The following MASP1 variants were observed in gnomAD, a reference collection of about 807,000 sequenced individuals.
The protein encoded by MASP1 is mannan-binding lectin serine protease 1.
Under a neutral mutation model 77.1 loss-of-function variants are expected in MASP1, and 59 were observed. The observed-to-expected ratio is 0.77, with a 90% CI of 0.62 to 0.95. The LOEUF is 0.95. MASP1 is among the 40% of genes least tolerant of loss of function. MASP1 has a pLI of 0.00. For missense variants in MASP1, 885 were observed against 912.9 expected (o/e 0.97, Z 0.39); for synonymous variants, 362 against 354.5 (o/e 1.02, Z -0.24).
At chr3:187,263,815 T>C (rs985599861) in intron 2 of MASP1, among the ~76,000 whole-genome samples, 2 of 152,180 alleles carry the variant, frequency 1.3e-5, no homozygotes, top group African/African-American at 2.4e-5. Context: ...GGCTTAAAGC[T>C]GATTTTATGT....
chr3:187,244,586 C>T (rs923029526), intron 8 of MASP1: 2 of 152,196 alleles, frequency 1.3e-5, no homozygotes, highest in Non-Finnish European at 2.9e-5. Flanking sequence ...TCTAGAATGT[C>T]CTCTTTATTT....
intron 2 of MASP1, among the ~76,000 whole-genome samples, chr3:187,268,050 A>T (rs559471079): frequency 6.6e-6 from 1 of 152,362 alleles, no homozygotes; most frequent in South Asian, 2.1e-4. Flanking sequence ...ATGTGGCTTC[A>T]GTTTTAGGAT....
intron 1 of MASP1, among the ~76,000 whole-genome samples, chr3:187,286,541 AT>A (rs887526160): frequency 9.2e-5 from 14 of 152,218 alleles, no homozygotes; most frequent in African/African-American, 2.9e-4. Context: ...AGTATGCAAA[AT>A]CTTTAATAAA....
At chr3:187,233,682 G>A (rs1038638929), downstream of MASP1, among the ~76,000 whole-genome samples, 1 of 152,214 alleles carries the variant, frequency 6.6e-6, no homozygotes, top group Admixed American at 6.5e-5. Flanking sequence ...TTTGCTCTCA[G>A]CGTGTGGCAC....
At chr3:187,280,603 T>A (rs1717334907) in intron 2 of MASP1, among the ~76,000 whole-genome samples, 1 of 152,228 alleles carries the variant, frequency 6.6e-6, no homozygotes, top group Admixed American at 6.5e-5. Flanking sequence ...TGGAAAAAAA[T>A]TCTTTTCTGG....
At position 187,234,183 on chromosome 3, in the gene MASP1, C is replaced by A. The variant is rs72549173; in HGVS notation, c.*1501G>T. ...GGTGAAGCATATGATATAAAAGATA[C>A]AAAATATAACATCATTTACATGTGC... On this transcript the variant is annotated 3_prime_UTR_variant, in exon 11 of 11. Transcript: ENST00000296280. The A allele has an allele frequency of 7.8e-7, 1 of 1,287,170 alleles. No individual in the cohort carries two copies. 79.7% of individuals were successfully genotyped at this position (1,287,170 alleles called of 1,614,324 possible).
chr3:187,275,502 T>A (rs1351516714), intron 2 of MASP1, among the ~76,000 whole-genome samples: 3 of 152,176 alleles, frequency 2.0e-5, no homozygotes, highest in African/African-American at 7.2e-5. Flanking sequence ...GCGGTAGGTG[T>A]GCTGGAGCCG....
At chr3:187,260,988 C>T in intron 3 of MASP1, 116 bp from the exon 4 acceptor site, 1 of 1,181,046 alleles carries the variant, frequency 8.5e-7, no homozygotes, top group African/African-American at 1.5e-5. Context: ...CATGCGTTCT[C>T]TCATTTAATC....
Position 187,234,702 on chromosome 3 carries a change from C to G in MASP1, c.*982G>C. 7.8e-7 allele frequency: 1 copy of G among 1,287,212 alleles called. No individual in the cohort carries two copies. Among genetic ancestry groups the G allele is most frequent in the South Asian group, 1.2e-5 (1 of 80,928 alleles). The allele number at this position is 1,287,212 out of a possible 1,614,324, so 79.7% of individuals were successfully genotyped here. A position where few individuals can be genotyped will look rare whatever the true frequency, so the allele number is the denominator to read the frequency against. On this transcript the variant is annotated 3_prime_UTR_variant, in exon 11 of 11. Coordinates refer to ENST00000296280, the MANE Select transcript of MASP1 (RefSeq NM_139125.4). ...CAGGATTTGGGTGACTTCTAATGTG[C>G]CCACCCCACTCTTTCTTCCATTTTC...
chr3:187,241,409 C>T, intron 10 of MASP1, 72 bp downstream of exon 10: 2 of 1,237,570 alleles, frequency 1.6e-6, no homozygotes, highest in Non-Finnish European at 2.4e-6. Context: ...ACCCTGTTAA[C>T]AGCCAGAAAA....
rs535129092 is a variant in MASP1, at chr3:187,221,978, G to A, written c.1810-844C>T. ...TTCAGTCAAATCAAGAACTGAATGGGCCATATTCTCTAAATGGACAACTCC... is the reference window on the plus strand; with the variant it reads ...TTCAGTCAAATCAAGAACTGAATGGACCATATTCTCTAAATGGACAACTCC... On this transcript the variant is annotated intron_variant, in intron 14 of 15. Coordinates refer to the MASP1 transcript ENST00000337774. Among the ~76,000 whole-genome samples the A allele has an allele frequency of 2.6e-5, 4 of 152,238 alleles. No individual in the cohort carries two copies. In the East Asian group the frequency reaches 7.7e-4, roughly 29 times the overall value.
chr3:187,222,922 C>T (rs1198371089), intron 14 of MASP1, among the ~76,000 whole-genome samples: 1 of 152,136 alleles, frequency 6.6e-6, no homozygotes, highest in Admixed American at 6.5e-5. Flanking sequence ...TGTTTAGAGG[C>T]TAGAGTCCAT....
chr3:187,225,473 T>C, exon 13 of MASP1: 1 of 1,614,158 alleles, frequency 6.2e-7, no homozygotes, highest in East Asian at 2.2e-5. Flanking sequence ...GCCGAGATGC[T>C]GTTCATTTTC....
At chr3:187,241,386 C>G (rs1713623673) in intron 10 of MASP1, 95 bp downstream of exon 10, 2 of 954,908 alleles carry the variant, frequency 2.1e-6, no homozygotes, top group Non-Finnish European at 1.7e-6. Flanking sequence ...CATCACCTCC[C>G]CTGTCCCCCA....
chr3:187,238,091 G>A (rs971526200), intron 10 of MASP1, among the ~76,000 whole-genome samples: 11 of 152,196 alleles, frequency 7.2e-5, no homozygotes, highest in African/African-American at 2.7e-4. Flanking sequence ...ATGCAGCTCT[G>A]TGACTGGTCC....
At chr3:187,280,257 C>G (rs991068334) in intron 2 of MASP1, among the ~76,000 whole-genome samples, 1 of 151,976 alleles carries the variant, frequency 6.6e-6, no homozygotes, top group African/African-American at 2.4e-5. Context: ...GAAGAAATGT[C>G]GAATACATCA....
intron 15 of MASP1, chr3:187,220,986 C>T: frequency 6.6e-7 from 1 of 1,503,766 alleles, no homozygotes; most frequent in African/African-American, 1.4e-5. Context: ...GGCTCTGCAC[C>T]ACTCCCTGGC....
chr3:187,243,583 G>A lies in MASP1; in HGVS notation c.1129C>T (p.Leu377=). 6.2e-7 allele frequency: 1 copy of A among 1,614,220 alleles called. No homozygotes were observed. Among genetic ancestry groups the A allele is most frequent in the Non-Finnish European group, 8.5e-7 (1 of 1,180,030 alleles). The stretch of plus-strand genomic sequence containing the variant: ...TTGTTCCTTGTAGAGAAGGTGATCA[G>A]CCCGTGTTCCAGCTCTCCTGGGGCT... ...CRAPGELEHG[L]ITFSTRNNLT... Residue 377 remains leucine (L), a synonymous_variant, in exon 9 of 11, where the codon CTG becomes TTG. Transcript: ENST00000296280.
intron 8 of MASP1, chr3:187,244,797 A>G (rs1436058803): frequency 6.6e-6 from 1 of 152,254 alleles, no homozygotes; most frequent in Non-Finnish European, 1.5e-5. Flanking sequence ...CAGAATTTCC[A>G]GAGCCCTGGT....
Sources: gnomAD v4.1 joint callset for allele counts (sites outside exome capture counted in the v4.1 genomes callset) on GRCh38, gnomAD v4.1.1 for gene constraint, MANE v1.5 for transcripts, NCBI Gene and HGNC (gene_info 2026-07-23, HGNC 2026-07-21) for gene names.